FEZ2: variants seen among roughly 807,000 people sequenced by gnomAD.
FEZ2 encodes fasciculation and elongation protein zeta 2, also known as fasciculation and elongation protein zeta-2.
Under a neutral mutation model 40.4 loss-of-function variants are expected in FEZ2, and 51 were observed. The ratio of observed to expected loss-of-function variants is 1.26; its 90% CI spans 1.01 to 1.59. The LOEUF (loss-of-function observed/expected upper bound fraction) is 1.59. Ranked by LOEUF, FEZ2 falls within the 40% of genes most tolerant of loss-of-function variation. FEZ2 has a pLI of 0.00. For missense variants in FEZ2, 640 were observed against 438.3 expected (o/e 1.46, Z -4.11); for synonymous variants, 242 against 172.0 (o/e 1.41, Z -3.18).
At chr2:36,597,733 G>C (rs1040854423) in intron 1 of FEZ2, 144 bp downstream of exon 1, 6 of 585,018 alleles carry the variant, frequency 1.0e-5, no homozygotes, top group Admixed American at 4.4e-5. Context: ...CGAGGCCGAC[G>C]GCCGGAGGAA....
chr2:36,585,757 T>A (rs890987306), intron 2 of FEZ2, among the ~76,000 whole-genome samples: 1 of 152,216 alleles, frequency 6.6e-6, no homozygotes, highest in African/African-American at 2.4e-5. Flanking sequence ...CAACCCCAGA[T>A]GTTATGTAAT....
Position 36,578,684 on chromosome 2 carries a change from C to G in FEZ2, c.816G>C (p.Glu272Asp). 2 of 1,613,834 alleles carry G rather than the reference C, an allele frequency of 1.2e-6. No homozygotes were observed. Among genetic ancestry groups the G allele is most frequent in the Middle Eastern group, 1.6e-4 (1 of 6,062 alleles). The change falls in exon 5 of 8, where the codon GAG becomes GAC. Residue 272 changes from glutamate (E) to aspartate (D), a missense_variant. Coordinates refer to ENST00000405912, the MANE Select transcript of FEZ2 (RefSeq NM_005102.3). The stretch of plus-strand genomic sequence containing the variant: ...TTTTCTTTTTTGCTGTTTCTTTGTG[C>G]TCTTTCTGTTTGTTTTGCACTTCAA... Reference protein sequence around the residue: ...VLIEVQNKQKEHKETAKKKKK... With the variant: ...VLIEVQNKQKDHKETAKKKKK...
At position 36,552,842 on chromosome 2, in the gene FEZ2, C is replaced by T; in HGVS notation, c.*321G>A. 3.4e-6 allele frequency: 1 copy of T among 297,966 alleles called. No homozygotes were observed. The highest frequency in any genetic ancestry group is 7.5e-5 in the South Asian group (1 of 13,278). The allele number at this position is 297,966 out of a possible 1,614,324, so 18.5% of individuals were successfully genotyped here. A position where few individuals can be genotyped will look rare whatever the true frequency, so the allele number is the denominator to read the frequency against. ...ATCAGTGCAGTTTAGATAAGAAAGC[C>T]ATAAAAACAAATGGGCATACTGTCA... is the stretch of plus-strand genomic sequence containing the variant. On this transcript the variant is annotated 3_prime_UTR_variant, in exon 8 of 8. Transcript: ENST00000405912.
chr2:36,584,641 A>G (rs901358737), intron 2 of FEZ2, among the ~76,000 whole-genome samples: 2 of 152,242 alleles, frequency 1.3e-5, no homozygotes, highest in Non-Finnish European at 2.9e-5. Context: ...TTACGTAAGA[A>G]GCCACCATGT....
In FEZ2 at chr2:36,552,710, A is replaced by T. The variant is rs956556591; in HGVS notation, c.*453T>A. On this transcript the variant is annotated 3_prime_UTR_variant, in exon 8 of 8. Transcript: ENST00000405912. Reference sequence around the variant, plus strand: ...TTATTCTGTTTCAATCTCTCTGAACAATACTGGTAGGTAATAGTTACACTG... The same window carrying T: ...TTATTCTGTTTCAATCTCTCTGAACTATACTGGTAGGTAATAGTTACACTG... The T allele has an allele frequency of 5.1e-6, 1 of 197,590 alleles. No homozygotes were observed. Among genetic ancestry groups the T allele is most frequent in the Admixed American group, 5.4e-5 (1 of 18,546 alleles). 12.2% of individuals were successfully genotyped at this position (197,590 alleles called of 1,614,324 possible).
chr2:36,556,073 C>G (rs549666261), intron 6 of FEZ2: 41 of 499,752 alleles, frequency 8.2e-5, no homozygotes, highest in African/African-American at 7.6e-4. Context: ...GTAATAATAC[C>G]GGAAAGTGGG....
chr2:36,596,746 G>T (rs1009030293), intron 1 of FEZ2, among the ~76,000 whole-genome samples: 7 of 152,116 alleles, frequency 4.6e-5, no homozygotes, highest in African/African-American at 1.7e-4. Flanking sequence ...GGGATCACAG[G>T]TGTGAGCCAC....
rs1171888871 is a variant in FEZ2, at chr2:36,581,408, CATTTCTTCA to C, written c.507_515del (p.Ile169_Glu171del). On this transcript the variant is annotated inframe_deletion, in exon 4 of 8. Coordinates refer to ENST00000405912, the MANE Select transcript of FEZ2 (RefSeq NM_005102.3). ...CTTCTGGGTCCGGTGATTCCTGCAT[CATTTCTTCA>C]ATTTCTTCAATAACCTTCGAAAACA... 3 of 1,613,502 alleles carry C rather than the reference CATTTCTTCA, an allele frequency of 1.9e-6. No individual in the cohort carries two copies. The highest frequency in any genetic ancestry group is 1.3e-5 in the African/African-American group (1 of 74,908).
chr2:36,575,708 C>A (rs1668551651), intron 5 of FEZ2, among the ~76,000 whole-genome samples: 1 of 152,062 alleles, frequency 6.6e-6, no homozygotes, highest in African/African-American at 2.4e-5. Flanking sequence ...CATCCCTATG[C>A]CCTCTATTTT....
intron 4 of FEZ2, among the ~76,000 whole-genome samples, chr2:36,580,916 G>A (rs980814749): frequency 1.3e-5 from 2 of 152,190 alleles, no homozygotes; most frequent in Non-Finnish European, 2.9e-5. Context: ...CACTTTGGGA[G>A]GCTAAGGCGG....
At position 36,574,284 on chromosome 2, in the gene FEZ2, A is replaced by C. The variant is rs1374776604; in HGVS notation, c.903+4313T>G. On this transcript the variant is annotated intron_variant, in intron 5 of 7. Transcript: ENST00000405912. Reference sequence around the variant, plus strand: ...CTCTTAGTCAATATTCTATTGTCTTAGACAATATTCACTGTCCATGGGTTT... The same window carrying C: ...CTCTTAGTCAATATTCTATTGTCTTCGACAATATTCACTGTCCATGGGTTT... Among the ~76,000 whole-genome samples, 5 of 152,334 alleles carry C rather than the reference A, an allele frequency of 3.3e-5. No individual in the cohort carries two copies. The East Asian group carries it at 9.7e-4, about 29-fold the overall frequency.
intron 1 of FEZ2, among the ~76,000 whole-genome samples, chr2:36,592,628 G>A (rs1381338116): frequency 7.4e-6 from 1 of 135,662 alleles, no homozygotes; most frequent in Non-Finnish European, 1.6e-5. Context: ...CAACAAAAGG[G>A]AGCCCCACAT....
Position 36,555,664 on chromosome 2 carries a change from A to G in FEZ2, c.1045+19T>C, listed in dbSNP as rs1192564438. 3 of 1,501,800 alleles carry G rather than the reference A, an allele frequency of 2.0e-6. No homozygotes were observed. In the South Asian group the frequency reaches 3.6e-5, roughly 18 times the overall value. 93.0% of individuals were successfully genotyped at this position (1,501,800 alleles called of 1,614,324 possible). ...TCCAAACCTCCCAGCCATCGCACCT[A>G]TACCATTATAAAACTCACCTTTCAG... On this transcript the variant is annotated intron_variant, in intron 7 of 7. Coordinates refer to ENST00000405912, the MANE Select transcript of FEZ2 (RefSeq NM_005102.3).
intron 5 of FEZ2, among the ~76,000 whole-genome samples, chr2:36,573,916 T>C (rs769169227): frequency 6.6e-6 from 1 of 152,240 alleles, no homozygotes; most frequent in South Asian, 2.1e-4. Context: ...TTCTACACAA[T>C]AATTTGAAAA....
intron 4 of FEZ2, among the ~76,000 whole-genome samples, chr2:36,580,008 A>C (rs1189349770): frequency 6.6e-6 from 1 of 152,176 alleles, no homozygotes; most frequent in African/African-American, 2.4e-5. Flanking sequence ...CCACGTGAAG[A>C]CATAGGGAAA....
chr2:36,584,620 G>T (rs138595078), intron 2 of FEZ2, among the ~76,000 whole-genome samples: 38 of 152,132 alleles, frequency 2.5e-4, no homozygotes, highest in African/African-American at 8.4e-4. Flanking sequence ...AGAATAAATG[G>T]GCAACAAGGA....
intron 5 of FEZ2, among the ~76,000 whole-genome samples, chr2:36,573,318 G>A (rs998043582): frequency 3.3e-5 from 5 of 151,990 alleles, no homozygotes; most frequent in Admixed American, 1.3e-4. Context: ...ATAATGCCCA[G>A]ACAACTGCAG....
intron 4 of FEZ2, among the ~76,000 whole-genome samples, chr2:36,579,534 A>C (rs947105737): frequency 4.6e-5 from 7 of 151,854 alleles, no homozygotes; most frequent in African/African-American, 1.7e-4. Flanking sequence ...TGGTTGTTTA[A>C]AAGTGTGTGG....
chr2:36,566,544 C>G (rs1668245072), intron 5 of FEZ2, among the ~76,000 whole-genome samples: 1 of 152,042 alleles, frequency 6.6e-6, no homozygotes, highest in African/African-American at 2.4e-5. Flanking sequence ...AAAACCAGAC[C>G]AGTATGTAGG....
Sources: gnomAD v4.1 joint callset for allele counts (sites outside exome capture counted in the v4.1 genomes callset) on GRCh38, gnomAD v4.1.1 for gene constraint, MANE v1.5 for transcripts, NCBI Gene and HGNC (gene_info 2026-07-23, HGNC 2026-07-21) for gene names.